WNT4: variants seen among roughly 807,000 people sequenced by gnomAD.
The protein encoded by WNT4 is Wnt family member 4.
In WNT4, 16 loss-of-function variants were observed where a neutral mutation model predicts 34.5. The observed-to-expected ratio is 0.46, with a 90% CI of 0.31 to 0.70. The LOEUF is 0.70. Ranked by LOEUF, WNT4 falls within the 30% of genes least tolerant of loss-of-function variation. The pLI is 0.04. For missense variants in WNT4, 379 were observed against 495.9 expected (o/e 0.76, Z 2.24); for synonymous variants, 200 against 211.9 (o/e 0.94, Z 0.49).
rs1306599256 is a variant in WNT4, at chr1:22,137,747, T to C, written c.77+5099A>G. On this transcript the variant is annotated intron_variant, in intron 1 of 4. Transcript: ENST00000290167. The surrounding 1 kb of genome is among the most constrained non-coding windows in gnomAD (Gnocchi z 5.3). The stretch of plus-strand genomic sequence containing the variant: ...AGAGCCTGGTCCTGGGGTGCTGCAG[T>C]GCTGGGGGAGAAACACTCAGCCTGG... Among the ~76,000 whole-genome samples, 1 of 152,184 alleles carries C rather than the reference T, an allele frequency of 6.6e-6. No individual in the cohort carries two copies. The highest frequency in any genetic ancestry group is 2.1e-4 in the South Asian group (1 of 4,826).
rs1292270009 is a variant in WNT4 at position 22,142,685 on chromosome 1, G to T, written c.77+161C>A. The stretch of plus-strand genomic sequence containing the variant: ...ACCCCGGGTGTGCAGAGGGACGTTC[G>T]GGCCGTGGCGGCGGCAGCGGAGCGA... On this transcript the variant is annotated intron_variant, in intron 1 of 4. Coordinates refer to ENST00000290167, the MANE Select transcript of WNT4 (RefSeq NM_030761.5). The surrounding 1 kb of genome is among the most constrained non-coding windows in gnomAD (Gnocchi z 6.0). Among the ~76,000 whole-genome samples, 3 of 151,380 alleles carry T rather than the reference G, an allele frequency of 2.0e-5. No individual in the cohort carries two copies. Among genetic ancestry groups the T allele is most frequent in the Non-Finnish European group, 4.4e-5 (3 of 67,722 alleles).
intron 1 of WNT4, among the ~76,000 whole-genome samples, chr1:22,141,063 G>C (rs558806530): frequency 2.5e-4 from 38 of 152,310 alleles, no homozygotes; most frequent in African/African-American, 8.9e-4. Flanking sequence ...TTCAGGGAAG[G>C]GGGTATAGGG....
In WNT4 at chr1:22,143,063, C is replaced by G. The variant is rs1181992392; in HGVS notation, c.-141G>C. ...TCCGTGTGCCTGCCGGCAGCCTGCC[C>G]GCTGCTGCGCCCGCTGCCCGGCGCG... On this transcript the variant is annotated 5_prime_UTR_variant, in exon 1 of 5. Transcript: ENST00000290167. 2 of 220,784 alleles carry G rather than the reference C, an allele frequency of 9.1e-6. No homozygotes were observed. Among genetic ancestry groups the G allele is most frequent in the Non-Finnish European group, 1.5e-5 (2 of 134,228 alleles). 13.7% of individuals were successfully genotyped at this position (220,784 alleles called of 1,614,324 possible). A position where few individuals can be genotyped will look rare whatever the true frequency, so the allele number is the denominator to read the frequency against.
At chr1:22,126,301 T>TG (rs1409966805) in intron 2 of WNT4, among the ~76,000 whole-genome samples, 1 of 151,996 alleles carries the variant, frequency 6.6e-6, no homozygotes, top group African/African-American at 2.4e-5. Flanking sequence ...CTGAGCCGTG[T>TG]GGGGGTCAGT....
intron 2 of WNT4, among the ~76,000 whole-genome samples, chr1:22,122,292 T>C (rs577380171): frequency 6.6e-6 from 1 of 152,234 alleles, no homozygotes; most frequent in East Asian, 1.9e-4. Flanking sequence ...TTGTCCCCCA[T>C]TTTATAGACG....
Position 22,142,804 on chromosome 1 carries a change from GC to G in WNT4, c.77+41del. On this transcript the variant is annotated intron_variant, in intron 1 of 4. Coordinates refer to ENST00000290167, the MANE Select transcript of WNT4 (RefSeq NM_030761.5). This position sits in a 1 kb window ranked among gnomAD's most constrained non-coding sequence, Gnocchi z 6.0. Reference sequence around the variant, plus strand: ...GCACCGGCCGCTGCCCCCGGGGCCTGCCCCGCCCCGCCCCGCCCCGCTCGGC... The same window carrying G: ...GCACCGGCCGCTGCCCCCGGGGCCTGCCCGCCCCGCCCCGCCCCGCTCGGC... The G allele has an allele frequency of 9.0e-7, 1 of 1,111,438 alleles. No homozygotes were observed. The highest frequency in any genetic ancestry group is 1.8e-5 in the South Asian group (1 of 55,844). The allele number at this position is 1,111,438 out of a possible 1,614,324, so 68.8% of individuals were successfully genotyped here. A position where few individuals can be genotyped will look rare whatever the true frequency, so the allele number is the denominator to read the frequency against.
intron 1 of WNT4, among the ~76,000 whole-genome samples, chr1:22,132,383 G>C (rs1232889908): frequency 6.6e-6 from 1 of 152,176 alleles, no homozygotes; most frequent in Admixed American, 6.5e-5. Flanking sequence ...GGCAGGGGGG[G>C]CAGCCTCTGA....
chr1:22,129,619 G>C lies in WNT4; in HGVS notation c.310C>G (p.Gln104Glu). 4 of 1,613,128 alleles carry C rather than the reference G, an allele frequency of 2.5e-6. No homozygotes were observed. The highest frequency in any genetic ancestry group is 3.4e-6 in the Non-Finnish European group (4 of 1,179,860). Residue 104 changes from glutamine to glutamate, a missense_variant, in exon 2 of 5, where the codon CAA becomes GAA. Gln to Glu is a conservative substitution (Grantham distance 29). Around this residue, in one of 2 missense-constraint regions of WNT4, gnomAD observed 313 missense variants for 445.8 expected, o/e 0.70. Coordinates refer to ENST00000290167, the MANE Select transcript of WNT4 (RefSeq NM_030761.5). Reference sequence around the variant, plus strand: ...GCCCCGCACGCCCTTCCCTCACCTTGCGTCACCACCTTGCCGAAGACGGGC... The same window carrying C: ...GCCCCGCACGCCCTTCCCTCACCTTCCGTCACCACCTTGCCGAAGACGGGC... ...SLPVFGKVVT[Q>E]GTREAAFVYA...
At chr1:22,126,774 G>C (rs1443386964) in intron 2 of WNT4, among the ~76,000 whole-genome samples, 5 of 152,180 alleles carry the variant, frequency 3.3e-5, no homozygotes. Flanking sequence ...GACGGGAGGC[G>C]TGTCTACACG....
chr1:22,124,914 C>A (rs895190620), intron 2 of WNT4, among the ~76,000 whole-genome samples: 4 of 152,272 alleles, frequency 2.6e-5, no homozygotes, highest in Non-Finnish European at 5.9e-5. Context: ...CCCAGGATAA[C>A]CTTATCCCCC....
Position 22,129,776 on chromosome 1 carries a change from C to T in WNT4, c.153G>A (p.Gln51=). Reference sequence around the variant, plus strand: ...TCCGCTTGCACATCTGCACCTGCCTCTGGATCAGGCCCTTGAGTTTCTCGC... The same window carrying T: ...TCCGCTTGCACATCTGCACCTGCCTTTGGATCAGGCCCTTGAGTTTCTCGC... ...ETCEKLKGLI[Q]RQVQMCKRNL... is the part of the protein sequence containing the mutation. The change falls in exon 2 of 5, where the codon CAG becomes CAA. Residue 51 remains glutamine (Q), a synonymous_variant. Transcript: ENST00000290167. The T allele has an allele frequency of 6.2e-7, 1 of 1,614,146 alleles. No individual in the cohort carries two copies. Among genetic ancestry groups the T allele is most frequent in the Non-Finnish European group, 8.5e-7 (1 of 1,180,034 alleles).
At position 22,120,461 on chromosome 1, in the gene WNT4, A is replaced by T; in HGVS notation, c.645T>A (p.Cys215Ter). 6.2e-7 allele frequency: 1 copy of T among 1,613,450 alleles called. No individual in the cohort carries two copies. The highest frequency in any genetic ancestry group is 8.5e-7 in the Non-Finnish European group (1 of 1,179,876). The stretch of plus-strand genomic sequence containing the variant: ...CGGCTCGCCAGCACGTCTTTACCTC[A>T]CAGGAGCCTGACACCCCGTGGCACT... ...ECKCHGVSGS[C>*]EVKTCWRAVP... The change falls in exon 5 of 5, where the codon TGT (cysteine) becomes TGA (stop). Residue 215 changes from cysteine to a stop codon, truncating the protein, a stop_gained. Coordinates refer to ENST00000290167, the MANE Select transcript of WNT4 (RefSeq NM_030761.5). LOFTEE classifies it high-confidence loss of function.
In WNT4 at chr1:22,139,878, C is replaced by T. The variant is rs557630313; in HGVS notation, c.77+2968G>A. Among the ~76,000 whole-genome samples, 2 of 152,292 alleles carry T rather than the reference C, an allele frequency of 1.3e-5. No homozygotes were observed. The highest frequency in any genetic ancestry group is 6.5e-5 in the Admixed American group (1 of 15,304). On this transcript the variant is annotated intron_variant, in intron 1 of 4. Transcript: ENST00000290167. This position sits in a 1 kb window ranked among gnomAD's most constrained non-coding sequence, Gnocchi z 4.6. ...CGGGCCCTCCCTCAGTGGTGGGAGC[C>T]GTCACAAGCTGTCAGCGGGCTCCTC...
At chr1:22,121,109 G>T in intron 4 of WNT4, 102 bp downstream of exon 4, 1 of 1,560,652 alleles carries the variant, frequency 6.4e-7, no homozygotes, top group Non-Finnish European at 8.7e-7. Context: ...GCTGGTGAGA[G>T]CCTGCACAAA....
In WNT4 at chr1:22,139,252, C is replaced by T. The variant is rs770489102; in HGVS notation, c.77+3594G>A. 5.5e-4 allele frequency among the ~76,000 whole-genome samples: 84 copies of T among 152,330 alleles called. No homozygotes were observed. Among genetic ancestry groups the T allele is most frequent in the African/African-American group, 9.1e-4 (38 of 41,574 alleles). On this transcript the variant is annotated intron_variant, in intron 1 of 4. Transcript: ENST00000290167. The surrounding 1 kb of genome is among the most constrained non-coding windows in gnomAD (Gnocchi z 4.6). ...GCTCCCTGACAGCAGCCCTTGCTTC[C>T]GGCAGCTGCCAGGGCTGCCATTTCC...
rs144916626 is a variant in WNT4, at chr1:22,132,379, G to A, written c.78-2528C>T. 6.3e-3 allele frequency among the ~76,000 whole-genome samples: 962 copies of A among 152,312 alleles called. 10 individuals carry two copies. The highest frequency in any genetic ancestry group is 9.1e-3 in the Non-Finnish European group (620 of 68,004). On this transcript the variant is annotated intron_variant, in intron 1 of 4. Coordinates refer to ENST00000290167, the MANE Select transcript of WNT4 (RefSeq NM_030761.5). ...CAAGGGCAGGGGTTCTCTGGGCAGG[G>A]GGGGCAGCCTCTGACCCACCATGAC...
At position 22,137,813 on chromosome 1, in the gene WNT4, A is replaced by C. The variant is rs534779562; in HGVS notation, c.77+5033T>G. ...CCGGCCCAGCAGTGAGGGGCAGAGCAGCAGATCGGGGGGGCAACAGACACA... is the reference window on the plus strand; with the variant it reads ...CCGGCCCAGCAGTGAGGGGCAGAGCCGCAGATCGGGGGGGCAACAGACACA... On this transcript the variant is annotated intron_variant, in intron 1 of 4. Coordinates refer to ENST00000290167, the MANE Select transcript of WNT4 (RefSeq NM_030761.5). This position sits in a 1 kb window ranked among gnomAD's most constrained non-coding sequence, Gnocchi z 5.3. Among the ~76,000 whole-genome samples, 7 of 152,316 alleles carry C rather than the reference A, an allele frequency of 4.6e-5. No individual in the cohort carries two copies. The East Asian group carries it at 1.4e-3, about 29-fold the overall frequency.
chr1:22,140,011 C>A lies in WNT4; in HGVS notation c.77+2835G>T, dbSNP rs60386226. Among the ~76,000 whole-genome samples the A allele has an allele frequency of 6.6e-6, 1 of 152,252 alleles. No individual in the cohort carries two copies. The highest frequency in any genetic ancestry group is 2.4e-5 in the African/African-American group (1 of 41,474). ...CTCCATCCTGCCCAACAGCTGCACG[C>A]GGCGGGACACCTGGCCTCCCCACCA... is the stretch of plus-strand genomic sequence containing the variant. On this transcript the variant is annotated intron_variant, in intron 1 of 4. Transcript: ENST00000290167. This position sits in a 1 kb window ranked among gnomAD's most constrained non-coding sequence, Gnocchi z 5.9.
intron 2 of WNT4, among the ~76,000 whole-genome samples, chr1:22,126,281 C>G (rs923294643): frequency 3.9e-5 from 6 of 152,160 alleles, no homozygotes; most frequent in Admixed American, 2.6e-4. Context: ...GTGGGAGAGC[C>G]CCCCCAGCCC....
Sources: allele counts gnomAD v4.1 joint callset (sites outside exome capture counted in the v4.1 genomes callset), GRCh38; gene constraint gnomAD v4.1.1; regional missense constraint gnomAD v4.1.1; non-coding constraint Gnocchi (gnomAD v3.1); transcripts MANE v1.5; gene names NCBI Gene and HGNC (gene_info 2026-07-23, HGNC 2026-07-21).